Variants in TRPC7 observed in about 807,000 individuals in gnomAD.
TRPC7 encodes the protein transient receptor potential cation channel subfamily C member 7, also known as short transient receptor potential channel 7.
Under a neutral mutation model 90.1 loss-of-function variants are expected in TRPC7, and 42 were observed. The ratio of observed to expected loss-of-function variants is 0.47; its 90% CI spans 0.36 to 0.60. TRPC7 has a LOEUF of 0.60. TRPC7 is among the 20% of genes least tolerant of loss of function. TRPC7 has a pLI of 0.00. For missense variants in TRPC7, 955 were observed against 1,112.3 expected (o/e 0.86, Z 2.01); for synonymous variants, 451 against 436.3 (o/e 1.03, Z -0.42).
intron 7 of TRPC7, among the ~76,000 whole-genome samples, chr5:136,245,553 C>T (rs1258971794): frequency 6.6e-6 from 1 of 152,166 alleles, no homozygotes; most frequent in African/African-American, 2.4e-5. Flanking sequence ...AGAGCCATTT[C>T]TACTAGCTGG....
At chr5:136,362,839 A>G (rs1760610589) in intron 1 of TRPC7, among the ~76,000 whole-genome samples, 2 of 152,100 alleles carry the variant, frequency 1.3e-5, no homozygotes, top group African/African-American at 4.8e-5. Flanking sequence ...AGGGTAGGGA[A>G]TACTCGTGTA....
At chr5:136,263,655 A>G (rs1756936274) in intron 5 of TRPC7, among the ~76,000 whole-genome samples, 1 of 152,224 alleles carries the variant, frequency 6.6e-6, no homozygotes, top group African/African-American at 2.4e-5. Flanking sequence ...ATAATATAAT[A>G]TCTGAAATGA....
At chr5:136,234,922 T>C (rs1378888026) in intron 7 of TRPC7, among the ~76,000 whole-genome samples, 2 of 152,184 alleles carry the variant, frequency 1.3e-5, no homozygotes, top group African/African-American at 4.8e-5. Context: ...AGCAATACAA[T>C]ATTTTATCCA....
At chr5:136,354,189 A>T (rs1760288189) in intron 2 of TRPC7, among the ~76,000 whole-genome samples, 2 of 152,226 alleles carry the variant, frequency 1.3e-5, no homozygotes, top group Non-Finnish European at 2.9e-5. Flanking sequence ...ACTGAGCAAC[A>T]AGCAAAGTTC....
chr5:136,214,757 G>A (rs923349166), intron 11 of TRPC7, among the ~76,000 whole-genome samples: 1 of 152,142 alleles, frequency 6.6e-6, no homozygotes, highest in Non-Finnish European at 1.5e-5. Context: ...GGTGCCCCAG[G>A]ATGAAGCAGA....
chr5:136,338,841 A>G (rs1759750505), intron 2 of TRPC7, among the ~76,000 whole-genome samples: 1 of 152,180 alleles, frequency 6.6e-6, no homozygotes, highest in Non-Finnish European at 1.5e-5. Flanking sequence ...GTTGGGAGAA[A>G]ACAACAACCA....
chr5:136,348,028 C>A (rs1035889476), intron 2 of TRPC7, among the ~76,000 whole-genome samples: 1 of 152,150 alleles, frequency 6.6e-6, no homozygotes, highest in Non-Finnish European at 1.5e-5. Context: ...TGTCACTCAC[C>A]CCTTCCTGGG....
At chr5:136,254,371 C>CT (rs1460066065) in intron 5 of TRPC7, among the ~76,000 whole-genome samples, 1 of 152,174 alleles carries the variant, frequency 6.6e-6, no homozygotes, top group Non-Finnish European at 1.5e-5. Context: ...TTGTTAGGGA[C>CT]TACTGCGGCT....
At position 136,226,253 on chromosome 5, in the gene TRPC7, C is replaced by T. The variant is rs377352489; in HGVS notation, c.2043G>A (p.Glu681=). 4.6e-5 allele frequency: 71 copies of T among 1,551,188 alleles called. No individual in the cohort carries two copies. The African/African-American group carries it at 8.1e-4, about 18-fold the overall frequency. The change falls in exon 9 of 12, where the codon GAG becomes GAA. Residue 681 remains glutamate, a splice_region_variant and synonymous_variant. Transcript: ENST00000513104. Reference sequence around the variant, plus strand: ...CGAACTTCCATTCCACATCTGCATCCTCCTGTGGAACAAGGGAAACAACAA... The same window carrying T: ...CGAACTTCCATTCCACATCTGCATCTTCCTGTGGAACAAGGGAAACAACAA... The part of the protein sequence containing the change: ...MINNSYQEIE[E]DADVEWKFAR...
At chr5:136,332,324 C>T (rs1463438070) in intron 2 of TRPC7, among the ~76,000 whole-genome samples, 7 of 151,986 alleles carry the variant, frequency 4.6e-5, no homozygotes, top group Non-Finnish European at 2.9e-5. Flanking sequence ...AGCAGGAGCA[C>T]GATGATCAGA....
chr5:136,314,133 C>T (rs1395122746), intron 3 of TRPC7: 1 of 152,190 alleles, frequency 6.6e-6, no homozygotes, highest in East Asian at 1.9e-4. Flanking sequence ...CAAGCATCTT[C>T]TTTTGTGTGG....
chr5:136,342,272 T>C (rs1759868997), intron 2 of TRPC7, among the ~76,000 whole-genome samples: 2 of 152,272 alleles, frequency 1.3e-5, no homozygotes, highest in Admixed American at 1.3e-4. Flanking sequence ...CATGCCTCCC[T>C]CTGTTCACCA....
At chr5:136,244,268 G>A (rs543055758) in intron 7 of TRPC7, among the ~76,000 whole-genome samples, 1 of 151,672 alleles carries the variant, frequency 6.6e-6, no homozygotes, top group East Asian at 1.9e-4. Flanking sequence ...AAACTCTTGG[G>A]GATCCTTCCA....
At chr5:136,234,559 C>T (rs1020939706) in intron 7 of TRPC7, among the ~76,000 whole-genome samples, 18 of 152,188 alleles carry the variant, frequency 1.2e-4, no homozygotes, top group Admixed American at 2.6e-4. Context: ...CTGCCCACCT[C>T]GGCCTCCCAA....
intron 7 of TRPC7, among the ~76,000 whole-genome samples, chr5:136,241,702 C>A (rs1424550464): frequency 6.6e-6 from 1 of 152,090 alleles, no homozygotes; most frequent in East Asian, 1.9e-4. Flanking sequence ...AAAACAGGTG[C>A]GAGCCACCAC....
chr5:136,289,977 G>A (rs892561130), intron 3 of TRPC7, among the ~76,000 whole-genome samples: 15 of 152,204 alleles, frequency 9.9e-5, no homozygotes, highest in South Asian at 4.1e-4. Context: ...CAGCATTTGC[G>A]GTTCACCAAT....
At chr5:136,329,661 T>C (rs3822748) in intron 2 of TRPC7, among the ~76,000 whole-genome samples, 104,382 of 152,008 alleles carry the variant, frequency 0.69, 36,147 homozygotes, top group African/African-American at 0.77. Flanking sequence ...CTGACTTTAA[T>C]CACAGCATGG....
At position 136,365,501 on chromosome 5, in the gene TRPC7, G is replaced by T. The variant is rs1181617136; in HGVS notation, c.-247C>A. On this transcript the variant is annotated 5_prime_UTR_variant, in exon 1 of 12. Coordinates refer to ENST00000513104, the MANE Select transcript of TRPC7 (RefSeq NM_020389.3). The stretch of plus-strand genomic sequence containing the variant: ...GTTACCGTCCTTTTCCTAATCGGGG[G>T]GAAATTTCCCAGAGAACATGACGGA... The T allele has an allele frequency of 7.0e-6, 4 of 567,390 alleles. No individual in the cohort carries two copies. Among genetic ancestry groups the T allele is most frequent in the Non-Finnish European group, 1.3e-5 (4 of 319,104 alleles). 35.1% of individuals were successfully genotyped at this position (567,390 alleles called of 1,614,324 possible). A position where few individuals can be genotyped will look rare whatever the true frequency, so the allele number is the denominator to read the frequency against.
intron 2 of TRPC7, among the ~76,000 whole-genome samples, chr5:136,321,637 T>A (rs1466000863): frequency 6.6e-6 from 1 of 152,100 alleles, no homozygotes; most frequent in Non-Finnish European, 1.5e-5. Flanking sequence ...GATTTCAAAC[T>A]CCTGATCTCT....
Sources: gnomAD v4.1 joint callset for allele counts (sites outside exome capture counted in the v4.1 genomes callset) on GRCh38, gnomAD v4.1.1 for gene constraint, MANE v1.5 for transcripts, NCBI Gene and HGNC (gene_info 2026-07-23, HGNC 2026-07-21) for gene names.